Variants in MYO7A observed in about 807,000 individuals in gnomAD.
The protein encoded by MYO7A is myosin VIIA.
A neutral mutation model predicts 263.8 loss-of-function variants in MYO7A; 210 were observed. The ratio of observed to expected loss-of-function variants is 0.80; its 90% confidence interval spans 0.71 to 0.89. The LOEUF is 0.89. Among genes scored for constraint, MYO7A ranks in the 40% least tolerant of loss-of-function variants. MYO7A has a pLI of 0.00. For missense variants in MYO7A, 2,820 were observed against 2,968.3 expected (o/e 0.95, Z 1.16); for synonymous variants, 1,239 against 1,197.3 (o/e 1.03, Z -0.72).
intron 21 of MYO7A, 131 bp downstream of exon 21, chr11:77,180,084 G>A: frequency 1.0e-6 from 1 of 989,712 alleles, no homozygotes; most frequent in South Asian, 1.7e-5. Flanking sequence ...TCTGAGGAGT[G>A]CACATACCTG....
intron 45 of MYO7A, 100 bp downstream of exon 45, chr11:77,211,437 T>C: frequency 7.6e-7 from 1 of 1,318,434 alleles, no homozygotes; most frequent in Non-Finnish European, 1.0e-6. Flanking sequence ...CCCAGGGAGG[T>C]GCATCTTGTG....
rs111033389 is a variant in MYO7A at position 77,162,989 on chromosome 11, G to A, written c.1690+1G>A. 1 of 1,613,682 alleles carries A rather than the reference G, an allele frequency of 6.2e-7. No homozygotes were observed. The highest frequency in any genetic ancestry group is 1.3e-5 in the African/African-American group (1 of 74,996). On this transcript the variant is annotated splice_donor_variant, in intron 14 of 48. Transcript: ENST00000409709. LOFTEE classifies it high-confidence loss of function. ...GGCATCGTCTACTATGAGACCCAAG[G>A]TACAGAGGGCTGCCGGCTGTCTGTC...
chr11:77,179,788 C>T lies in MYO7A; in HGVS notation c.2421C>T (p.His807=), dbSNP rs782218928. 21 of 1,550,992 alleles carry T rather than the reference C, an allele frequency of 1.4e-5. No individual in the cohort carries two copies. In the African/African-American group the frequency reaches 2.3e-4, roughly 17 times the overall value. The stretch of plus-strand genomic sequence containing the variant: ...CCCTGCACCGCTCCCGGAAGCTGCA[C>T]CAGCAGTACCGCCTGGCCCGCCAGC... The part of the protein sequence containing the change: ...LQALHRSRKL[H]QQYRLARQRI... The change falls in exon 21 of 49, where the codon CAC becomes CAT. Residue 807 remains histidine, a synonymous_variant. Coordinates refer to ENST00000409709, the MANE Select transcript of MYO7A (RefSeq NM_000260.4).
chr11:77,188,376 G>T (rs1955791435), intron 27 of MYO7A, among the ~76,000 whole-genome samples: 4 of 152,332 alleles, frequency 2.6e-5, no homozygotes, highest in Middle Eastern at 3.4e-3. Flanking sequence ...ATAGTGGGCA[G>T]GTTGTGTGTG....
Position 77,182,620 on chromosome 11 carries a change from T to C in MYO7A, c.3285+20T>C. 2 of 1,612,306 alleles carry C rather than the reference T, an allele frequency of 1.2e-6. No homozygotes were observed. Among genetic ancestry groups the C allele is most frequent in the South Asian group, 1.1e-5 (1 of 91,024 alleles). ...GGCGAGGTGAGGCCAAGGTGCCCTC[T>C]GGATGATGTCCCTCCCAGGCCGACA... On this transcript the variant is annotated intron_variant, in intron 25 of 48. Coordinates refer to ENST00000409709, the MANE Select transcript of MYO7A (RefSeq NM_000260.4).
At chr11:77,190,666 G>A (rs767289994) in intron 29 of MYO7A, 31 bp from the exon 30 acceptor site, 20 of 1,563,766 alleles carry the variant, frequency 1.3e-5, no homozygotes, top group Non-Finnish European at 1.7e-6. Context: ...GAAGGGAAGG[G>A]ACCCCACAAA....
chr11:77,156,137 A>C (rs371571564), intron 5 of MYO7A, 46 bp downstream of exon 5: 82 of 1,597,602 alleles, frequency 5.1e-5, no homozygotes, highest in Non-Finnish European at 6.3e-5. Context: ...TAGGACCTAG[A>C]GCTCCAACTG....
At chr11:77,161,238 C>A in intron 12 of MYO7A, 123 bp downstream of exon 12, 1 of 1,217,276 alleles carries the variant, frequency 8.2e-7, no homozygotes, top group Non-Finnish European at 1.2e-6. Flanking sequence ...GCTGTTCCGT[C>A]ATCACGGTGG....
At chr11:77,133,470 CTTCT>C (rs1465251243) in intron 2 of MYO7A, among the ~76,000 whole-genome samples, 2 of 152,222 alleles carry the variant, frequency 1.3e-5, no homozygotes, top group East Asian at 3.9e-4. Context: ...ATATAATGTC[CTTCT>C]TTGTTTCTTG....
chr11:77,205,437 C>T, intron 39 of MYO7A, 25 bp from the exon 40 acceptor site: 2 of 1,549,496 alleles, frequency 1.3e-6, no homozygotes, highest in Non-Finnish European at 1.7e-6. Context: ...GCTGCCCCTG[C>T]TGGAGCCCAC....
chr11:77,163,129 T>A, intron 14 of MYO7A, 141 bp downstream of exon 14: 1 of 904,276 alleles, frequency 1.1e-6, no homozygotes, highest in Non-Finnish European at 1.6e-6. Context: ...TGAACTTGAC[T>A]AAAATGGCCA....
chr11:77,196,485 C>T (rs1956674449), intron 32 of MYO7A, among the ~76,000 whole-genome samples: 1 of 152,050 alleles, frequency 6.6e-6, no homozygotes, highest in South Asian at 2.1e-4. Flanking sequence ...CAGTCCATAA[C>T]AGGTGTTTTG....
rs1345221963 is a variant in MYO7A, at chr11:77,148,012, C to A, written c.285+62C>A. 1.6e-4 allele frequency: 223 copies of A among 1,395,446 alleles called. 1 individual carries two copies. Among genetic ancestry groups the A allele is most frequent in the Middle Eastern group, 5.2e-4 (2 of 3,866 alleles). 86.4% of individuals were successfully genotyped at this position (1,395,446 alleles called of 1,614,324 possible). On this transcript the variant is annotated intron_variant, in intron 4 of 48. Transcript: ENST00000409709. Reference sequence around the variant, plus strand: ...CTCAGGCCCCGCCCCGCCCACCTCGCCCCACCCCGCCCGACTTGCCTCCGG... The same window carrying A: ...CTCAGGCCCCGCCCCGCCCACCTCGACCCACCCCGCCCGACTTGCCTCCGG...
chr11:77,197,671 A>G, intron 33 of MYO7A, 73 bp downstream of exon 33: 2 of 1,000,856 alleles, frequency 2.0e-6, no homozygotes, highest in South Asian at 2.8e-5. Context: ...ATTCTCAGGT[A>G]CCCCGCAGCC....
At chr11:77,151,210 A>G (rs1555056989) in intron 4 of MYO7A, among the ~76,000 whole-genome samples, 1 of 152,156 alleles carries the variant, frequency 6.6e-6, no homozygotes, top group African/African-American at 2.4e-5. Flanking sequence ...CTGTCCCCGC[A>G]TTGTGTGGAA....
At chr11:77,202,027 A>C (rs1342326000) in intron 36 of MYO7A, among the ~76,000 whole-genome samples, 1 of 152,132 alleles carries the variant, frequency 6.6e-6, no homozygotes, top group Non-Finnish European at 1.5e-5. Context: ...TGGACGAGGC[A>C]GCTCTCATAC....
chr11:77,147,656 C>A, intron 3 of MYO7A, 142 bp from the exon 4 acceptor site: 1 of 1,050,542 alleles, frequency 9.5e-7, no homozygotes. Context: ...CCTGTTAGAA[C>A]TGACAGTGTC....
intron 5 of MYO7A, among the ~76,000 whole-genome samples, chr11:77,156,446 A>G (rs886188380): frequency 2.6e-5 from 4 of 152,256 alleles, no homozygotes; most frequent in Non-Finnish European, 4.4e-5. Flanking sequence ...CTCTATGACA[A>G]GTATGGATGC....
At position 77,179,770 on chromosome 11, in the gene MYO7A, C is replaced by G. The variant is rs782752588; in HGVS notation, c.2403C>G (p.His801Gln). The G allele has an allele frequency of 6.4e-7, 1 of 1,551,156 alleles. No individual in the cohort carries two copies. Among genetic ancestry groups the G allele is most frequent in the South Asian group, 1.2e-5 (1 of 84,348 alleles). The part of the protein sequence containing the change: ...RLGFLRLQAL[H>Q]RSRKLHQQYR... ...GCTTCCTGCGGCTGCAGGCCCTGCA[C>G]CGCTCCCGGAAGCTGCACCAGCAGT... The change falls in exon 21 of 49, where the codon CAC becomes CAG. Residue 801 changes from histidine to glutamine, a missense_variant. Transcript: ENST00000409709.
Sources: gnomAD v4.1 joint callset for allele counts (sites outside exome capture counted in the v4.1 genomes callset) on GRCh38, gnomAD v4.1.1 for gene constraint, MANE v1.5 for transcripts, NCBI Gene and HGNC (gene_info 2026-07-23, HGNC 2026-07-21) for gene names.